COG2: variants seen among roughly 807,000 people sequenced by gnomAD.
The protein encoded by COG2 is component of oligomeric golgi complex 2.
In COG2, 52 loss-of-function variants were observed where a neutral mutation model predicts 90.6. The ratio of observed to expected loss-of-function variants is 0.57; its 90% CI spans 0.46 to 0.72. COG2 has a LOEUF of 0.72. COG2 is among the 30% of genes least tolerant of loss of function. The pLI is 0.00. For synonymous variants in COG2, 337 were observed against 320.4 expected, an observed-to-expected ratio of 1.05 and a Z score of -0.55; for missense variants, 829 against 891.2, an observed-to-expected ratio of 0.93 and a Z score of 0.89.
chr1:230,654,027 A>T (rs1661984815), intron 1 of COG2, among the ~76,000 whole-genome samples: 1 of 152,218 alleles, frequency 6.6e-6, no homozygotes. Context: ...GCCCTTTGTC[A>T]GGTGGACAGA....
In COG2 at chr1:230,642,698, C is replaced by T. The variant is rs1661653179; in HGVS notation, c.72+20C>T. ...ATGAAGGTGCGCGCGGCGTCCGCTC[C>T]CCGGAGCCGGGCCATGAGGGTGCCT... On this transcript the variant is annotated intron_variant, in intron 1 of 17. Coordinates refer to ENST00000366669, the MANE Select transcript of COG2 (RefSeq NM_007357.3). The T allele has an allele frequency of 6.2e-7, 1 of 1,607,838 alleles. No individual in the cohort carries two copies. The highest frequency in any genetic ancestry group is 8.5e-7 in the Non-Finnish European group (1 of 1,177,412).
At chr1:230,693,244 A>T (rs192417579) in intron 17 of COG2, 48 bp from the exon 18 acceptor site, 3 of 1,106,012 alleles carry the variant, frequency 2.7e-6, no homozygotes, top group Non-Finnish European at 4.2e-6. Context: ...CCCCCCCCAT[A>T]TTCAGCTTGA....
intron 9 of COG2, chr1:230,678,379 A>G: frequency 1.0e-6 from 1 of 985,434 alleles, no homozygotes; most frequent in South Asian, 4.7e-5. Context: ...AGACAATTCT[A>G]ATCACAGTGT....
At chr1:230,673,241 G>A (rs1487551587) in intron 8 of COG2, among the ~76,000 whole-genome samples, 1 of 152,202 alleles carries the variant, frequency 6.6e-6, no homozygotes, top group Non-Finnish European at 1.5e-5. Flanking sequence ...GGGAATTCAT[G>A]TAGAAGGCTT....
chr1:230,673,119 A>G (rs1032431290), intron 8 of COG2, among the ~76,000 whole-genome samples: 1 of 152,184 alleles, frequency 6.6e-6, no homozygotes, highest in Non-Finnish European at 1.5e-5. Flanking sequence ...ATGATGTAAA[A>G]TGAAGCCATA....
Position 230,660,843 on chromosome 1 carries a change from T to C in COG2, c.300+20T>C. 1 of 1,526,478 alleles carries C rather than the reference T, an allele frequency of 6.6e-7. No individual in the cohort carries two copies. Among genetic ancestry groups the C allele is most frequent in the Non-Finnish European group, 8.9e-7 (1 of 1,125,842 alleles). The allele number at this position is 1,526,478 out of a possible 1,614,324, so 94.6% of individuals were successfully genotyped here. A position where few individuals can be genotyped will look rare whatever the true frequency, so the allele number is the denominator to read the frequency against. The stretch of plus-strand genomic sequence containing the variant: ...GTTCTGGTAAGTTTCCCGAATAACA[T>C]CAAACAGTTTACCCTAAAGCATGAT... On this transcript the variant is annotated intron_variant, in intron 3 of 17. Transcript: ENST00000366669.
At chr1:230,666,684 T>G (rs1338713744) in intron 5 of COG2, among the ~76,000 whole-genome samples, 1 of 152,202 alleles carries the variant, frequency 6.6e-6, no homozygotes, top group Non-Finnish European at 1.5e-5. Flanking sequence ...TTTTACTATG[T>G]ATGGCCATTT....
At chr1:230,654,597 CTCT>C (rs574131365) in intron 1 of COG2, among the ~76,000 whole-genome samples, 2 of 151,682 alleles carry the variant, frequency 1.3e-5, no homozygotes, top group Non-Finnish European at 3.0e-5. Flanking sequence ...GCTATGCGAG[CTCT>C]TCTTTGAGAA....
chr1:230,645,499 T>C (rs1458246940), intron 1 of COG2, among the ~76,000 whole-genome samples: 1 of 152,308 alleles, frequency 6.6e-6, no homozygotes, highest in Non-Finnish European at 1.5e-5. Flanking sequence ...CTTGCATTTG[T>C]ACCTGTTCTC....
intron 1 of COG2, among the ~76,000 whole-genome samples, chr1:230,645,094 G>T (rs1661734271): frequency 6.6e-6 from 1 of 151,968 alleles, no homozygotes; most frequent in Non-Finnish European, 1.5e-5. Flanking sequence ...AATTAGCCAG[G>T]TGTGGTGGCA....
intron 1 of COG2, among the ~76,000 whole-genome samples, chr1:230,656,093 T>C (rs368504906): frequency 2.6e-5 from 4 of 152,154 alleles, no homozygotes; most frequent in African/African-American, 9.7e-5. Flanking sequence ...GGGTTTTTCG[T>C]GTCTCTATCT....
At chr1:230,649,592 A>G (rs765650061) in intron 1 of COG2, among the ~76,000 whole-genome samples, 25 of 152,122 alleles carry the variant, frequency 1.6e-4, no homozygotes, top group Non-Finnish European at 3.2e-4. Flanking sequence ...TCATTTCCCC[A>G]TTAGAATATA....
intron 7 of COG2, chr1:230,670,705 C>T (rs943827927): frequency 1.3e-5 from 2 of 152,182 alleles, no homozygotes; most frequent in Non-Finnish European, 2.9e-5. Context: ...TAGCCTCAAC[C>T]TCCTGGGCTC....
chr1:230,685,900 G>A (rs61110433), intron 12 of COG2, among the ~76,000 whole-genome samples: 5,402 of 152,206 alleles, frequency 0.035, 325 homozygotes, highest in African/African-American at 0.12. Flanking sequence ...ACCAGTCATC[G>A]CAGTGTGAGG....
At chr1:230,659,752 C>A in intron 2 of COG2, 127 bp downstream of exon 2, 1 of 882,158 alleles carries the variant, frequency 1.1e-6, no homozygotes, top group Non-Finnish European at 1.6e-6. Context: ...TTGAAGAGAT[C>A]CCTAATGTCA....
At chr1:230,683,733 G>T (rs975740800) in intron 11 of COG2, 98 bp downstream of exon 11, 122 of 501,524 alleles carry the variant, frequency 2.4e-4, no homozygotes, top group South Asian at 4.5e-4. Context: ...TACTTTTACT[G>T]TTTTTTTTTT....
At chr1:230,680,338 C>G (rs1465792289) in intron 10 of COG2, 1 of 152,318 alleles carries the variant, frequency 6.6e-6, no homozygotes, top group African/African-American at 2.4e-5. Context: ...ACATACTCCT[C>G]TGCTTCCTGC....
intron 5 of COG2, among the ~76,000 whole-genome samples, chr1:230,665,887 C>T (rs1662308262): frequency 6.6e-6 from 1 of 152,182 alleles, no homozygotes; most frequent in East Asian, 1.9e-4. Context: ...CCTGCCTCCT[C>T]ATTTTCTTTT....
intron 1 of COG2, among the ~76,000 whole-genome samples, chr1:230,655,211 T>C (rs188077988): frequency 2.3e-4 from 35 of 152,322 alleles, no homozygotes; most frequent in Non-Finnish European, 4.1e-4. Context: ...TTTTGGCCAT[T>C]CAGTATGATA....
Sources: allele counts gnomAD v4.1 joint callset (sites outside exome capture counted in the v4.1 genomes callset), GRCh38; gene constraint gnomAD v4.1.1; transcripts MANE v1.5; gene names NCBI Gene and HGNC (gene_info 2026-07-23, HGNC 2026-07-21).